The following MTSS1 variants were observed in gnomAD, a reference collection of about 807,000 sequenced individuals.
MTSS1 encodes protein MTSS 1.
MTSS1 carries 18 observed loss-of-function variants against 79.0 expected under a neutral mutation model. That is an observed-to-expected ratio of 0.23 (90% CI 0.16 to 0.34). The LOEUF is 0.34. MTSS1 is among the 10% of genes least tolerant of loss of function. The pLI is 1.00. For missense variants in MTSS1, 815 were observed against 986.2 expected (o/e 0.83, Z 2.33); for synonymous variants, 341 against 368.6 (o/e 0.93, Z 0.86).
intron 3 of MTSS1, among the ~76,000 whole-genome samples, chr8:124,664,083 C>T (rs915251166): frequency 6.6e-6 from 1 of 152,196 alleles, no homozygotes; most frequent in African/African-American, 2.4e-5. Context: ...AGGTGAGGTC[C>T]AGGTGGGGAA....
intron 3 of MTSS1, among the ~76,000 whole-genome samples, chr8:124,596,509 A>G (rs1324974594): frequency 6.6e-6 from 1 of 152,232 alleles, no homozygotes; most frequent in South Asian, 2.1e-4. Flanking sequence ...TGAACCATCC[A>G]GGGGCTGGGC....
chr8:124,707,159 G>A (rs375175635), intron 1 of MTSS1, among the ~76,000 whole-genome samples: 1 of 152,118 alleles, frequency 6.6e-6, no homozygotes. Flanking sequence ...CAAGGAAGAA[G>A]GACCAAAGAG....
chr8:124,609,681 G>T (rs536421547), intron 3 of MTSS1, among the ~76,000 whole-genome samples: 17 of 152,164 alleles, frequency 1.1e-4, no homozygotes, highest in Non-Finnish European at 2.4e-4. Flanking sequence ...CTGCTCCACG[G>T]GCCTGTGTCC....
At chr8:124,715,745 G>C (rs941435337) in intron 1 of MTSS1, among the ~76,000 whole-genome samples, 1 of 152,134 alleles carries the variant, frequency 6.6e-6, no homozygotes, top group Non-Finnish European at 1.5e-5. Context: ...AGAGGGCGCT[G>C]AGGTGTAGCC....
intron 5 of MTSS1, among the ~76,000 whole-genome samples, chr8:124,585,429 T>G (rs897183615): frequency 6.6e-6 from 1 of 152,114 alleles, no homozygotes; most frequent in Non-Finnish European, 1.5e-5. Context: ...CTTTTTTTTT[T>G]TTTAAGACAG....
chr8:124,643,268 G>T (rs1818392314), intron 3 of MTSS1, among the ~76,000 whole-genome samples: 1 of 152,118 alleles, frequency 6.6e-6, no homozygotes, highest in Non-Finnish European at 1.5e-5. Flanking sequence ...AATGCCTTCT[G>T]CAGCATCATT....
At chr8:124,678,420 G>C (rs1007820380) in intron 3 of MTSS1, among the ~76,000 whole-genome samples, 1 of 152,076 alleles carries the variant, frequency 6.6e-6, no homozygotes, top group African/African-American at 2.4e-5. Flanking sequence ...CCCGAGACTG[G>C]GTAATTTATA....
At chr8:124,596,836 G>T (rs1011635681) in intron 3 of MTSS1, among the ~76,000 whole-genome samples, 1 of 152,118 alleles carries the variant, frequency 6.6e-6, no homozygotes. Context: ...CTCACGGCCT[G>T]TGTGTGTCCA....
intron 1 of MTSS1, among the ~76,000 whole-genome samples, chr8:124,704,850 C>G (rs1830177528): frequency 6.6e-6 from 1 of 152,164 alleles, no homozygotes; most frequent in South Asian, 2.1e-4. Context: ...GATCAATAAT[C>G]CTGCTTCCAC....
rs1220923165 is a variant in MTSS1, at chr8:124,686,699, C to T, written c.208+12827G>A. 5.3e-5 allele frequency among the ~76,000 whole-genome samples: 8 copies of T among 152,110 alleles called. No homozygotes were observed. In the South Asian group the frequency reaches 8.3e-4, roughly 16 times the overall value. ...ACTGAGAGGGTGTAGAGGCCGAGAACGCTGCTAACCAACCTACAATGCACA... is the reference window on the plus strand; with the variant it reads ...ACTGAGAGGGTGTAGAGGCCGAGAATGCTGCTAACCAACCTACAATGCACA... On this transcript the variant is annotated intron_variant, in intron 3 of 13. Coordinates refer to ENST00000518547, the MANE Select transcript of MTSS1 (RefSeq NM_014751.6).
intron 3 of MTSS1, among the ~76,000 whole-genome samples, chr8:124,632,877 A>G (rs2133842250): frequency 6.6e-6 from 1 of 152,318 alleles, no homozygotes; most frequent in East Asian, 1.9e-4. Context: ...CATGTTAACC[A>G]GGCTGGTCTC....
At chr8:124,667,115 C>T (rs752354875) in intron 3 of MTSS1, among the ~76,000 whole-genome samples, 1 of 152,054 alleles carries the variant, frequency 6.6e-6, no homozygotes, top group African/African-American at 2.4e-5. Flanking sequence ...CCTGGGTTTC[C>T]CCCCATCTTA....
chr8:124,667,154 G>A (rs1382519138), intron 3 of MTSS1, among the ~76,000 whole-genome samples: 8 of 152,162 alleles, frequency 5.3e-5, no homozygotes, highest in African/African-American at 9.7e-5. Flanking sequence ...TGAGTTTGAG[G>A]AGAAGGCATG....
At chr8:124,575,455 G>C (rs1422128057) in intron 6 of MTSS1, among the ~76,000 whole-genome samples, 1 of 152,170 alleles carries the variant, frequency 6.6e-6, no homozygotes, top group Admixed American at 6.5e-5. Context: ...ACAACGCCCG[G>C]CACGTGCTGA....
chr8:124,593,154 C>T (rs997687889), intron 3 of MTSS1, among the ~76,000 whole-genome samples: 13 of 152,214 alleles, frequency 8.5e-5, no homozygotes, highest in African/African-American at 2.9e-4. Context: ...CCGCCTTCTG[C>T]GCTCTCCAAG....
rs149546133 is a variant in MTSS1, at chr8:124,708,208, C to G, written c.73-4017G>C. Reference sequence around the variant, plus strand: ...CGACACTGGGCAAGTTATTTGACCTCTGCATGGGTTTAAGTCACATCTTCA... The same window carrying G: ...CGACACTGGGCAAGTTATTTGACCTGTGCATGGGTTTAAGTCACATCTTCA... On this transcript the variant is annotated intron_variant, in intron 1 of 13. Transcript: ENST00000518547. Among the ~76,000 whole-genome samples the G allele has an allele frequency of 1.7e-4, 26 of 152,286 alleles. No individual in the cohort carries two copies. The East Asian group carries it at 5.0e-3, about 29-fold the overall frequency.
rs140383613 is a variant in MTSS1, at chr8:124,717,716, A to G, written c.72+10168T>C. ...ATCTCAAAAAATATATATATAAATA[A>G]AAATTAAAAAGAAAAACAGCAACAG... On this transcript the variant is annotated intron_variant, in intron 1 of 13. Coordinates refer to ENST00000518547, the MANE Select transcript of MTSS1 (RefSeq NM_014751.6). 3.0e-3 allele frequency among the ~76,000 whole-genome samples: 459 copies of G among 152,302 alleles called. 3 individuals are homozygous for G. Among genetic ancestry groups the G allele is most frequent in the African/African-American group, 0.01 (435 of 41,560 alleles).
chr8:124,583,744 C>T (rs1206441475), intron 6 of MTSS1, among the ~76,000 whole-genome samples: 1 of 152,212 alleles, frequency 6.6e-6, no homozygotes, highest in South Asian at 2.1e-4. Flanking sequence ...AGCTGCCAAC[C>T]TGTCAGTTAT....
intron 9 of MTSS1, among the ~76,000 whole-genome samples, chr8:124,563,949 G>C (rs912550146): frequency 1.3e-5 from 2 of 151,998 alleles, no homozygotes; most frequent in Non-Finnish European, 2.9e-5. Flanking sequence ...TGGCCAATAC[G>C]GTGAAACCCC....
Sources: allele counts gnomAD v4.1 joint callset (sites outside exome capture counted in the v4.1 genomes callset), GRCh38; gene constraint gnomAD v4.1.1; transcripts MANE v1.5; gene names NCBI Gene and HGNC (gene_info 2026-07-23, HGNC 2026-07-21).